Variants in FHIT observed in about 807,000 individuals in gnomAD.
FHIT encodes bis(5'-adenosyl)-triphosphatase.
FHIT carries 19 observed loss-of-function variants against 17.9 expected under a neutral mutation model. The ratio of observed to expected loss-of-function variants is 1.06; its 90% confidence interval spans 0.74 to 1.56. FHIT has a LOEUF of 1.56. FHIT is among the 40% of genes most tolerant of loss of function. FHIT has a pLI of 0.00. For missense variants in FHIT, 248 were observed against 189.2 expected, an observed-to-expected ratio of 1.31 and a Z score of -1.82; for synonymous variants, 81 against 69.7, an observed-to-expected ratio of 1.16 and a Z score of -0.81.
intron 5 of FHIT, among the ~76,000 whole-genome samples, chr3:60,495,735 A>C (rs1457940432): frequency 6.6e-6 from 1 of 152,154 alleles, no homozygotes; most frequent in African/African-American, 2.4e-5. Context: ...ACGGAAAAAA[A>C]TCATTTGAAA....
At chr3:60,193,760 T>C (rs1049242572) in intron 5 of FHIT, among the ~76,000 whole-genome samples, 5 of 152,078 alleles carry the variant, frequency 3.3e-5, no homozygotes, top group African/African-American at 4.8e-5. Context: ...TATATGACTG[T>C]AGCACAGTGT....
intron 5 of FHIT, among the ~76,000 whole-genome samples, chr3:60,400,758 G>C (rs147161438): frequency 2.0e-3 from 311 of 152,206 alleles, no homozygotes; most frequent in African/African-American, 7.1e-3. Context: ...AAAAGACTGA[G>C]GAACTTAGGG....
intron 3 of FHIT, among the ~76,000 whole-genome samples, chr3:60,953,404 C>G (rs1553777812): frequency 6.6e-6 from 1 of 152,006 alleles, no homozygotes; most frequent in African/African-American, 2.4e-5. Context: ...AATATGACAG[C>G]TATTTGGACC....
At chr3:60,053,589 CT>C (rs1296245716) in intron 5 of FHIT, among the ~76,000 whole-genome samples, 1 of 151,904 alleles carries the variant, frequency 6.6e-6, no homozygotes, top group African/African-American at 2.4e-5. Flanking sequence ...TGAAAGAACT[CT>C]ATCAACATTA....
At chr3:60,491,366 TATA>T (rs577775973) in intron 5 of FHIT, among the ~76,000 whole-genome samples, 74 of 151,982 alleles carry the variant, frequency 4.9e-4, no homozygotes, top group Non-Finnish European at 9.9e-4. Flanking sequence ...CAACCAACCT[TATA>T]ATGTTTCATA....
At chr3:59,867,219 T>G (rs1017984549) in intron 8 of FHIT, among the ~76,000 whole-genome samples, 5 of 150,362 alleles carry the variant, frequency 3.3e-5, no homozygotes, top group Non-Finnish European at 7.4e-5. Context: ...TGGTAGTTTA[T>G]GAAGATCACC....
At chr3:60,254,271 C>T (rs932655867) in intron 5 of FHIT, among the ~76,000 whole-genome samples, 1 of 152,090 alleles carries the variant, frequency 6.6e-6, no homozygotes, top group Admixed American at 6.6e-5. Flanking sequence ...GAAGAGTTCC[C>T]AGTGCAATGA....
intron 4 of FHIT, among the ~76,000 whole-genome samples, chr3:60,739,166 A>G (rs2042194530): frequency 6.6e-6 from 1 of 152,126 alleles, no homozygotes; most frequent in Admixed American, 6.5e-5. Context: ...CCACCACTGA[A>G]TAAAACCCCT....
chr3:60,172,416 C>T (rs961756506), intron 5 of FHIT, among the ~76,000 whole-genome samples: 7 of 151,858 alleles, frequency 4.6e-5, no homozygotes, highest in African/African-American at 1.7e-4. Context: ...CAGGCATGCA[C>T]CACCACGCCT....
At chr3:60,887,069 T>C (rs1705259007) in intron 3 of FHIT, among the ~76,000 whole-genome samples, 1 of 152,222 alleles carries the variant, frequency 6.6e-6, no homozygotes, top group African/African-American at 2.4e-5. Context: ...AAAAAGTTTT[T>C]CTTACAGTTA....
chr3:60,433,590 G>A (rs772054485), intron 5 of FHIT, among the ~76,000 whole-genome samples: 27 of 152,034 alleles, frequency 1.8e-4, no homozygotes, highest in Non-Finnish European at 1.0e-4. Context: ...TTTTGGGTTT[G>A]CTTTTGTGAC....
intron 7 of FHIT, among the ~76,000 whole-genome samples, chr3:59,940,346 T>C (rs951891718): frequency 6.6e-6 from 1 of 152,224 alleles, no homozygotes; most frequent in Non-Finnish European, 1.5e-5. Context: ...TTTATTTTTT[T>C]AATTTAACTT....
chr3:60,964,548 C>T (rs1231028567), intron 3 of FHIT, among the ~76,000 whole-genome samples: 1 of 152,132 alleles, frequency 6.6e-6, no homozygotes, highest in South Asian at 2.1e-4. Context: ...TACAATTTGG[C>T]ATGTTTTTGC....
At chr3:60,896,570 A>T (rs1705833821) in intron 3 of FHIT, among the ~76,000 whole-genome samples, 1 of 152,144 alleles carries the variant, frequency 6.6e-6, no homozygotes, top group Non-Finnish European at 1.5e-5. Context: ...AAATAACACA[A>T]CCAAGAACAA....
At chr3:60,649,257 G>A (rs112078937) in intron 4 of FHIT, among the ~76,000 whole-genome samples, 3 of 152,080 alleles carry the variant, frequency 2.0e-5, no homozygotes, top group Non-Finnish European at 1.5e-5. Flanking sequence ...GAAATTAGCC[G>A]GGCGTGGTGG....
At chr3:60,878,665 G>T (rs1353886113) in intron 3 of FHIT, among the ~76,000 whole-genome samples, 1 of 151,936 alleles carries the variant, frequency 6.6e-6, no homozygotes, top group East Asian at 1.9e-4. Flanking sequence ...ACAGGCCCCG[G>T]TGTGTGATGT....
At chr3:60,121,746 A>T (rs931219626) in intron 5 of FHIT, among the ~76,000 whole-genome samples, 2 of 148,486 alleles carry the variant, frequency 1.3e-5, no homozygotes, top group South Asian at 4.3e-4. Context: ...ACACACACAC[A>T]TTAGCCCTGT....
intron 5 of FHIT, among the ~76,000 whole-genome samples, chr3:60,311,253 G>A (rs1272888575): frequency 7.8e-5 from 4 of 51,530 alleles, no homozygotes; most frequent in East Asian, 9.6e-3. Context: ...ACCCCAACGT[G>A]TGTGTGTGTG....
Position 60,841,131 on chromosome 3 carries a change from G to T in FHIT, c.-110-19120C>A, listed in dbSNP as rs150916914. On this transcript the variant is annotated intron_variant, in intron 3 of 9. Coordinates refer to ENST00000492590, the MANE Select transcript of FHIT (RefSeq NM_002012.4). ...TCTGTATTTACCACATAGATCTTTA[G>T]ATTCTCTTACCAATCCAACAGATTT... is the stretch of plus-strand genomic sequence containing the variant. 1.8e-3 allele frequency among the ~76,000 whole-genome samples: 268 copies of T among 152,206 alleles called. 1 individual carries two copies. The highest frequency in any genetic ancestry group is 6.2e-3 in the African/African-American group (256 of 41,542).
Sources: allele counts gnomAD v4.1 joint callset (sites outside exome capture counted in the v4.1 genomes callset), GRCh38; gene constraint gnomAD v4.1.1; transcripts MANE v1.5; gene names NCBI Gene and HGNC (gene_info 2026-07-23, HGNC 2026-07-21).